USP47: variants seen among roughly 807,000 people sequenced by gnomAD.
The protein encoded by USP47 is ubiquitin carboxyl-terminal hydrolase 47.
Under a neutral mutation model 165.1 loss-of-function variants are expected in USP47, and 35 were observed. The ratio of observed to expected loss-of-function variants is 0.21; its 90% CI spans 0.16 to 0.28. The LOEUF is 0.28. USP47 is among the 10% of genes least tolerant of loss of function. The pLI, the probability that USP47 is intolerant of heterozygous loss-of-function variation, is 1.00. For synonymous variants in USP47, 531 were observed against 544.5 expected (o/e 0.98, Z 0.35); for missense variants, 1,277 against 1,607.4 (o/e 0.79, Z 3.52).
intron 8 of USP47, among the ~76,000 whole-genome samples, chr11:11,911,317 G>A (rs1852964026): frequency 6.6e-6 from 1 of 152,128 alleles, no homozygotes; most frequent in African/African-American, 2.4e-5. Flanking sequence ...AGTCCTGAAA[G>A]GAGATTAATA....
rs144763365 is a variant in USP47 at position 11,947,796 on chromosome 11, A to G, written c.3092-149A>G. ...AACCCTGTGTCCATGTTTTTTGTCC[A>G]TTCAGTGTGGTATATTAGCTAAAGT... is the stretch of plus-strand genomic sequence containing the variant. On this transcript the variant is annotated intron_variant, in intron 20 of 27. Coordinates refer to ENST00000527733, the MANE Select transcript of USP47 (RefSeq NM_001282659.2). 2,854 of 642,536 alleles carry G rather than the reference A, an allele frequency of 4.4e-3. 26 individuals carry two copies. The highest frequency in any genetic ancestry group is 0.024 in the African/African-American group (1,286 of 52,706). The allele number at this position is 642,536 out of a possible 1,614,324, so 39.8% of individuals were successfully genotyped here.
At chr11:11,923,498 G>C (rs1854014915) in intron 11 of USP47, among the ~76,000 whole-genome samples, 1 of 152,024 alleles carries the variant, frequency 6.6e-6, no homozygotes, top group South Asian at 2.1e-4. Flanking sequence ...TAATCTCTGG[G>C]ATAGGATCTT....
intron 11 of USP47, among the ~76,000 whole-genome samples, chr11:11,929,162 T>C (rs1368798651): frequency 6.6e-6 from 1 of 152,140 alleles, no homozygotes; most frequent in Non-Finnish European, 1.5e-5. Context: ...AATTTTTACA[T>C]ATGTAAGTTT....
chr11:11,938,857 C>T (rs567211846), intron 18 of USP47, among the ~76,000 whole-genome samples: 1 of 151,986 alleles, frequency 6.6e-6, no homozygotes, highest in African/African-American at 2.4e-5. Flanking sequence ...TGAGAGAAGG[C>T]ATGGATTCCA....
At chr11:11,910,627 G>T (rs981583477) in intron 8 of USP47, among the ~76,000 whole-genome samples, 3 of 151,962 alleles carry the variant, frequency 2.0e-5, no homozygotes, top group African/African-American at 7.3e-5. Flanking sequence ...GGTTATATCA[G>T]CAGAGGCCTA....
Position 11,952,831 on chromosome 11 carries a change from T to C in USP47, c.3674T>C (p.Val1225Ala). Residue 1225 changes from valine to alanine, a missense_variant, in exon 25 of 28, where the codon GTT becomes GCT. This residue lies in a region of USP47 where 909 missense variants were observed against 1,068.1 expected (regional missense o/e 0.85). Coordinates refer to ENST00000527733, the MANE Select transcript of USP47 (RefSeq NM_001282659.2). ...SEMKLDPFQEVVLESSSVDEL... is the reference protein window; with the variant it reads ...SEMKLDPFQEAVLESSSVDEL... Reference sequence around the variant, plus strand: ...ATGAAGTTGGATCCCTTCCAGGAGGTTGTATTGGAAAGCAGTAGTGTGGAC... The same window carrying C: ...ATGAAGTTGGATCCCTTCCAGGAGGCTGTATTGGAAAGCAGTAGTGTGGAC... The C allele has an allele frequency of 6.2e-7, 1 of 1,612,222 alleles. No individual in the cohort carries two copies. The highest frequency in any genetic ancestry group is 8.5e-7 in the Non-Finnish European group (1 of 1,178,996).
chr11:11,851,122 C>T (rs969172332), intron 1 of USP47, among the ~76,000 whole-genome samples: 6 of 152,128 alleles, frequency 3.9e-5, no homozygotes, highest in African/African-American at 1.4e-4. Flanking sequence ...GGATTGTTTT[C>T]CCAGACAAAA....
chr11:11,934,669 A>G (rs1211828936), intron 16 of USP47, among the ~76,000 whole-genome samples: 1 of 152,146 alleles, frequency 6.6e-6, no homozygotes, highest in East Asian at 1.9e-4. Flanking sequence ...ACAGAGTACC[A>G]TAAAATGAAA....
intron 2 of USP47, among the ~76,000 whole-genome samples, chr11:11,882,496 T>C (rs569744123): frequency 2.8e-4 from 43 of 152,284 alleles, no homozygotes; most frequent in Non-Finnish European, 5.6e-4. Flanking sequence ...AAATTGGTAG[T>C]CGGACAAGAC....
chr11:11,874,464 A>T (rs1301752316), intron 1 of USP47, among the ~76,000 whole-genome samples: 2 of 151,586 alleles, frequency 1.3e-5, no homozygotes, highest in African/African-American at 2.4e-5. Flanking sequence ...TATCTTAAAA[A>T]TAAAGTCTCT....
chr11:11,913,377 G>A (rs1274481118), intron 8 of USP47, among the ~76,000 whole-genome samples: 2 of 151,082 alleles, frequency 1.3e-5, no homozygotes, highest in Admixed American at 1.3e-4. Flanking sequence ...CATGTAGAAA[G>A]TGAAGTTTAA....
intron 13 of USP47, 66 bp downstream of exon 13, chr11:11,930,186 T>TA: frequency 7.0e-7 from 1 of 1,429,132 alleles, no homozygotes; most frequent in Non-Finnish European, 9.8e-7. Flanking sequence ...AGTGTTTTTT[T>TA]ATCATCAAAG....
At chr11:11,926,728 T>G (rs1204630604) in intron 11 of USP47, among the ~76,000 whole-genome samples, 1 of 151,794 alleles carries the variant, frequency 6.6e-6, no homozygotes, top group Non-Finnish European at 1.5e-5. Flanking sequence ...TCCTCTTTTT[T>G]TACATCCCTC....
intron 3 of USP47, among the ~76,000 whole-genome samples, chr11:11,891,752 A>G (rs918935790): frequency 6.6e-6 from 1 of 152,210 alleles, no homozygotes; most frequent in East Asian, 1.9e-4. Flanking sequence ...ACGGAGTACA[A>G]TGGTACTTTT....
intron 1 of USP47, among the ~76,000 whole-genome samples, chr11:11,864,559 A>G (rs936796697): frequency 7.2e-5 from 11 of 151,742 alleles, no homozygotes; most frequent in African/African-American, 2.4e-4. Flanking sequence ...ACCTCTGGCA[A>G]CCACCATTCT....
intron 1 of USP47, among the ~76,000 whole-genome samples, chr11:11,879,591 C>A (rs1209284629): frequency 1.3e-5 from 2 of 152,042 alleles, no homozygotes; most frequent in East Asian, 3.9e-4. Context: ...CCTGGCTCAT[C>A]TGTTTGGATA....
At chr11:11,941,589 G>T (rs1008853096) in intron 19 of USP47, among the ~76,000 whole-genome samples, 2 of 151,954 alleles carry the variant, frequency 1.3e-5, no homozygotes, top group African/African-American at 4.8e-5. Flanking sequence ...CTTCCACAGT[G>T]ATCATCTCGT....
At chr11:11,917,836 C>G (rs1400110750) in intron 8 of USP47, among the ~76,000 whole-genome samples, 13 of 152,054 alleles carry the variant, frequency 8.5e-5, no homozygotes. Flanking sequence ...CCAAGCATAC[C>G]AGTCATATCA....
At chr11:11,931,181 TA>T (rs34291270) in intron 14 of USP47, among the ~76,000 whole-genome samples, 5,718 of 151,976 alleles carry the variant, frequency 0.038, 350 homozygotes, top group African/African-American at 0.13. Flanking sequence ...TTTTCATAAT[TA>T]AAAAAAATAT....
Sources: gnomAD v4.1 joint callset for allele counts (sites outside exome capture counted in the v4.1 genomes callset) on GRCh38, gnomAD v4.1.1 for gene constraint, gnomAD v4.1.1 regional missense constraint, MANE v1.5 for transcripts, NCBI Gene and HGNC (gene_info 2026-07-23, HGNC 2026-07-21) for gene names.